STAC: variants seen among roughly 807,000 people sequenced by gnomAD.
STAC encodes SH3 and cysteine-rich domain-containing protein.
A neutral mutation model predicts 48.8 loss-of-function variants in STAC; 43 were observed. The ratio of observed to expected loss-of-function variants is 0.88; its 90% confidence interval spans 0.69 to 1.14. STAC has a LOEUF of 1.14. Among genes scored for constraint, STAC ranks in the 50% most tolerant of loss-of-function variants. STAC has a pLI of 0.00. For synonymous variants in STAC, 193 were observed against 179.5 expected (o/e 1.07, Z -0.60); for missense variants, 497 against 504.0 (o/e 0.99, Z 0.13).
intron 1 of STAC, among the ~76,000 whole-genome samples, chr3:36,397,188 A>G (rs111977238): frequency 2.6e-5 from 4 of 152,260 alleles, no homozygotes; most frequent in African/African-American, 4.8e-5. Flanking sequence ...TATGTTTCCT[A>G]TAAGTCTTTT....
intron 6 of STAC, among the ~76,000 whole-genome samples, chr3:36,497,086 T>A (rs574365865): frequency 1.3e-5 from 2 of 152,274 alleles, no homozygotes; most frequent in South Asian, 4.1e-4. Flanking sequence ...ATGTACTAAT[T>A]CAATATCTCA....
At position 36,444,280 on chromosome 3, in the gene STAC, C is replaced by T. The variant is rs78070622; in HGVS notation, c.388+640C>T. ...CCACATTTAGGAACAGTGCTTGTATCGGTCAAAGATTTCCACCAGAAAGTT... is the reference window on the plus strand; with the variant it reads ...CCACATTTAGGAACAGTGCTTGTATTGGTCAAAGATTTCCACCAGAAAGTT... On this transcript the variant is annotated intron_variant, in intron 2 of 10. Transcript: ENST00000273183. 5.7e-4 allele frequency among the ~76,000 whole-genome samples: 87 copies of T among 152,250 alleles called. 1 individual carries two copies. In the East Asian group the frequency reaches 0.014, roughly 25 times the overall value.
At chr3:36,408,249 G>A (rs1575179832) in intron 1 of STAC, among the ~76,000 whole-genome samples, 1 of 152,050 alleles carries the variant, frequency 6.6e-6, no homozygotes, top group South Asian at 2.1e-4. Context: ...CACACTTTAG[G>A]GGAGGGGACT....
chr3:36,467,021 T>C (rs1697197215), intron 2 of STAC, among the ~76,000 whole-genome samples: 1 of 152,114 alleles, frequency 6.6e-6, no homozygotes, highest in Non-Finnish European at 1.5e-5. Context: ...ATGTCCCTTC[T>C]ATGCTTACTT....
chr3:36,451,410 A>G (rs1251861367), intron 2 of STAC, among the ~76,000 whole-genome samples: 2 of 152,174 alleles, frequency 1.3e-5, no homozygotes, highest in Admixed American at 6.5e-5. Flanking sequence ...ATTAATCCAG[A>G]TTTTAAAAAT....
intron 5 of STAC, among the ~76,000 whole-genome samples, chr3:36,492,005 G>GGAA (rs1697980061): frequency 1.6e-4 from 1 of 6,428 alleles, no homozygotes; most frequent in South Asian, 0.014. Flanking sequence ...TCCATCTCAA[G>GGAA]AAAAAAAAAA....
At chr3:36,526,068 G>A (rs1402339857) in intron 8 of STAC, among the ~76,000 whole-genome samples, 1 of 152,100 alleles carries the variant, frequency 6.6e-6, no homozygotes, top group South Asian at 2.1e-4. Context: ...GAATTTCCTC[G>A]CAGACTACAG....
At chr3:36,469,955 C>G (rs1697283888) in intron 2 of STAC, among the ~76,000 whole-genome samples, 1 of 152,194 alleles carries the variant, frequency 6.6e-6, no homozygotes, top group East Asian at 1.9e-4. Context: ...TTTCACTGAA[C>G]AATTTTGCAT....
intron 8 of STAC, among the ~76,000 whole-genome samples, chr3:36,526,355 G>A (rs1698936536): frequency 6.6e-6 from 1 of 152,152 alleles, no homozygotes; most frequent in Non-Finnish European, 1.5e-5. Context: ...AACTGGCCTT[G>A]AGACTTGCTT....
chr3:36,384,715 A>C (rs1470101156), intron 1 of STAC, among the ~76,000 whole-genome samples: 1 of 152,092 alleles, frequency 6.6e-6, no homozygotes, highest in Non-Finnish European at 1.5e-5. Context: ...CCAGCATGTG[A>C]TTTAGATTTT....
intron 2 of STAC, among the ~76,000 whole-genome samples, chr3:36,452,750 G>A (rs1430145122): frequency 6.6e-6 from 1 of 152,254 alleles, no homozygotes; most frequent in Non-Finnish European, 1.5e-5. Context: ...GGAACGCCAA[G>A]TCTGACATCA....
rs370749509 is a variant in STAC, at chr3:36,448,149, G to C, written c.388+4509G>C. On this transcript the variant is annotated intron_variant, in intron 2 of 10. Coordinates refer to ENST00000273183, the MANE Select transcript of STAC (RefSeq NM_003149.3). ...CACTTGAAAGAATCCTACTAATTATGGTCACAGAATTTTATTTTATTTTAT... is the reference window on the plus strand; with the variant it reads ...CACTTGAAAGAATCCTACTAATTATCGTCACAGAATTTTATTTTATTTTAT... Among the ~76,000 whole-genome samples, 44 of 142,632 alleles carry C rather than the reference G, an allele frequency of 3.1e-4. 1 individual carries two copies. In the East Asian group the frequency reaches 4.3e-3, roughly 14 times the overall value. 93.6% of individuals were successfully genotyped at this position (142,632 alleles called of 152,430 possible).
In STAC at chr3:36,519,450, G is replaced by A. The variant is rs543717672; in HGVS notation, c.921-9246G>A. Among the ~76,000 whole-genome samples the A allele has an allele frequency of 4.6e-5, 7 of 152,310 alleles. No individual in the cohort carries two copies. In the South Asian group the frequency reaches 1.2e-3, roughly 27 times the overall value. On this transcript the variant is annotated intron_variant, in intron 8 of 10. Coordinates refer to ENST00000273183, the MANE Select transcript of STAC (RefSeq NM_003149.3). ...CTAGAACCCTTGGAGGTGACTCCCA[G>A]TCCACTGATCTTTCTCCTCCACCAC...
intron 2 of STAC, among the ~76,000 whole-genome samples, chr3:36,466,540 A>T (rs1429763967): frequency 6.6e-6 from 1 of 152,046 alleles, no homozygotes; most frequent in Non-Finnish European, 1.5e-5. Context: ...TGAACATGAG[A>T]TGTGTTTCCA....
In STAC at chr3:36,443,674, C is replaced by A; in HGVS notation, c.388+34C>A. The A allele has an allele frequency of 6.3e-7, 1 of 1,598,620 alleles. No individual in the cohort carries two copies. The highest frequency in any genetic ancestry group is 8.5e-7 in the Non-Finnish European group (1 of 1,176,740). ...TCCCACCCCTTTCTCCAGATCCCAG[C>A]ACCCCCGGAAAGCTGAGTGAGAGTG... On this transcript the variant is annotated intron_variant, in intron 2 of 10. Transcript: ENST00000273183. This position sits in a 1 kb window ranked among gnomAD's most constrained non-coding sequence, Gnocchi z 4.2.
chr3:36,507,749 G>A (rs1698439154), intron 8 of STAC, among the ~76,000 whole-genome samples: 1 of 152,062 alleles, frequency 6.6e-6, no homozygotes, highest in Non-Finnish European at 1.5e-5. Context: ...TATTTCTGTG[G>A]GGTCAGCAGT....
At chr3:36,521,244 CTA>C (rs1183381891) in intron 8 of STAC, among the ~76,000 whole-genome samples, 1 of 152,006 alleles carries the variant, frequency 6.6e-6, no homozygotes, top group East Asian at 1.9e-4. Context: ...CTCAAAATAA[CTA>C]TATAGTAAAG....
intron 2 of STAC, among the ~76,000 whole-genome samples, chr3:36,450,013 C>T (rs182283441): frequency 0.016 from 2,503 of 152,266 alleles, 73 homozygotes; most frequent in Non-Finnish European, 0.021. Flanking sequence ...TTCCTTCCTA[C>T]TCTATCTTTC....
At chr3:36,433,851 C>T (rs1700764303) in intron 1 of STAC, among the ~76,000 whole-genome samples, 1 of 152,144 alleles carries the variant, frequency 6.6e-6, no homozygotes, top group Non-Finnish European at 1.5e-5. Context: ...TGTTGCTTTA[C>T]CAATATAGTC....
Sources: gnomAD v4.1 joint callset for allele counts (sites outside exome capture counted in the v4.1 genomes callset) on GRCh38, gnomAD v4.1.1 for gene constraint, Gnocchi (gnomAD v3.1) non-coding constraint, MANE v1.5 for transcripts, NCBI Gene and HGNC (gene_info 2026-07-23, HGNC 2026-07-21) for gene names.